HCRTR2: variants seen among roughly 807,000 people sequenced by gnomAD.
HCRTR2 encodes orexin receptor type 2.
A neutral mutation model predicts 49.0 loss-of-function variants in HCRTR2; 22 were observed. That is an observed-to-expected ratio of 0.45 (90% confidence interval 0.32 to 0.64). The LOEUF (loss-of-function observed/expected upper bound fraction) is 0.64. HCRTR2 is among the 30% of genes least tolerant of loss of function. The pLI is 0.04. For synonymous variants in HCRTR2, 236 were observed against 205.3 expected (o/e 1.15, Z -1.28); for missense variants, 491 against 559.4 (o/e 0.88, Z 1.23).
intron 2 of HCRTR2, among the ~76,000 whole-genome samples, chr6:55,250,960 A>C (rs1000185466): frequency 2.0e-5 from 3 of 152,160 alleles, no homozygotes; most frequent in African/African-American, 7.2e-5. Context: ...TAAATGCACC[A>C]AGAGATTGGT....
rs916534326 is a variant in HCRTR2 at position 55,163,261 on chromosome 6, A to C, written c.-377-10950A>C. Among the ~76,000 whole-genome samples the C allele has an allele frequency of 1.1e-4, 15 of 134,602 alleles. 1 individual carries two copies. The South Asian group carries it at 2.2e-3, about 20-fold the overall frequency. The allele number at this position is 134,602 out of a possible 152,430, so 88.3% of individuals were successfully genotyped here. On this transcript the variant is annotated intron_variant, in intron 1 of 7. Transcript: ENST00000615358. ...CAAAAAACAAACAAACAAACAACAA[A>C]AAAAAAAAAACTACCTTAAATTTCT...
chr6:55,123,623 G>C (rs537936429), intron 1 of HCRTR2, among the ~76,000 whole-genome samples: 1 of 152,018 alleles, frequency 6.6e-6, no homozygotes, highest in Non-Finnish European at 1.5e-5. Context: ...TTTGCTATTA[G>C]GGTGATACTC....
chr6:55,152,939 G>T (rs1764682238), intron 1 of HCRTR2, among the ~76,000 whole-genome samples: 1 of 151,846 alleles, frequency 6.6e-6, no homozygotes, highest in African/African-American at 2.4e-5. Flanking sequence ...TGTGTTTTTG[G>T]TGTCATATCC....
intron 4 of HCRTR2, among the ~76,000 whole-genome samples, chr6:55,267,136 A>C (rs778575092): frequency 6.6e-6 from 1 of 152,120 alleles, no homozygotes; most frequent in African/African-American, 2.4e-5. Context: ...GCAACTCTCA[A>C]TTTCCAACTG....
intron 1 of HCRTR2, among the ~76,000 whole-genome samples, chr6:55,161,412 C>G (rs1276593917): frequency 6.6e-6 from 1 of 151,794 alleles, no homozygotes; most frequent in Non-Finnish European, 1.5e-5. Context: ...CCTAACATCA[C>G]AATGAAAAGA....
At chr6:55,205,685 C>G in intron 1 of HCRTR2, among the ~76,000 whole-genome samples, 1 of 151,780 alleles carries the variant, frequency 6.6e-6, no homozygotes, top group South Asian at 2.1e-4. Context: ...TGTTTGGAGG[C>G]CAATTTATAC....
intron 1 of HCRTR2, among the ~76,000 whole-genome samples, chr6:55,162,183 A>AT (rs1303693693): frequency 6.6e-6 from 1 of 152,234 alleles, no homozygotes. Context: ...CTTGTTCAAC[A>AT]TACGAAAATC....
chr6:55,233,091 G>C lies in HCRTR2; in HGVS notation c.224-15548G>C, dbSNP rs181857514. Among the ~76,000 whole-genome samples, 7 of 143,862 alleles carry C rather than the reference G, an allele frequency of 4.9e-5. No individual in the cohort carries two copies. The East Asian group carries it at 1.5e-3, about 30-fold the overall frequency. The allele number at this position is 143,862 out of a possible 152,430, so 94.4% of individuals were successfully genotyped here. ...AATGGATTTTTGAAAAATGAATAAA[G>C]CTGCTTTTTTTTTTTTTGATGGTGT... On this transcript the variant is annotated intron_variant, in intron 1 of 6. Coordinates refer to ENST00000370862, the MANE Select transcript of HCRTR2 (RefSeq NM_001384272.1).
At chr6:55,161,319 G>A (rs1764802419) in intron 1 of HCRTR2, among the ~76,000 whole-genome samples, 1 of 152,146 alleles carries the variant, frequency 6.6e-6, no homozygotes, top group South Asian at 2.1e-4. Flanking sequence ...GAATCTCTGG[G>A]ACACAGCTAA....
intron 1 of HCRTR2, among the ~76,000 whole-genome samples, chr6:55,243,897 G>C (rs1766381807): frequency 6.6e-6 from 1 of 152,060 alleles, no homozygotes; most frequent in African/African-American, 2.4e-5. Flanking sequence ...GTTAATTTAG[G>C]CTAATTAAAA....
rs374161159 is a variant in HCRTR2 at position 55,174,579 on chromosome 6, G to C, written c.-9G>C. ...TGCAGCATTGAGCGGAACCGGACTTGAGCCCGTGATGTCCGGCACCAAATT... is the reference window on the plus strand; with the variant it reads ...TGCAGCATTGAGCGGAACCGGACTTCAGCCCGTGATGTCCGGCACCAAATT... On this transcript the variant is annotated 5_prime_UTR_variant, in exon 1 of 7. Transcript: ENST00000370862. 1.4e-5 allele frequency: 23 copies of C among 1,611,358 alleles called. No homozygotes were observed. Among genetic ancestry groups the C allele is most frequent in the African/African-American group, 1.2e-4 (9 of 74,802 alleles).
chr6:55,146,525 G>A (rs1335318024), intron 1 of HCRTR2, among the ~76,000 whole-genome samples: 1 of 150,240 alleles, frequency 6.7e-6, no homozygotes, highest in African/African-American at 2.4e-5. Context: ...TGCAGATAAA[G>A]TACCTGACAT....
intron 1 of HCRTR2, among the ~76,000 whole-genome samples, chr6:55,157,165 G>C (rs141329687): frequency 6.6e-6 from 1 of 152,050 alleles, no homozygotes; most frequent in East Asian, 1.9e-4. Flanking sequence ...TTAATAAATG[G>C]GTTCTACAAA....
chr6:55,126,804 C>A (rs1157065321), intron 1 of HCRTR2, among the ~76,000 whole-genome samples: 1 of 152,124 alleles, frequency 6.6e-6, no homozygotes, highest in Non-Finnish European at 1.5e-5. Context: ...CAGTTTGCAG[C>A]CTTGCTGAGC....
At chr6:55,135,848 A>G (rs542232637) in intron 1 of HCRTR2, among the ~76,000 whole-genome samples, 1 of 152,272 alleles carries the variant, frequency 6.6e-6, no homozygotes, top group African/African-American at 2.4e-5. Context: ...AGGGTCTCTA[A>G]GGACCGCAGT....
chr6:55,219,976 C>A (rs1022128940), intron 1 of HCRTR2, among the ~76,000 whole-genome samples: 1 of 152,080 alleles, frequency 6.6e-6, no homozygotes, highest in East Asian at 1.9e-4. Context: ...AAATACACAA[C>A]CTACCAAGAC....
At chr6:55,201,189 A>G (rs1164496525) in intron 1 of HCRTR2, among the ~76,000 whole-genome samples, 1 of 152,108 alleles carries the variant, frequency 6.6e-6, no homozygotes, top group East Asian at 1.9e-4. Context: ...GGCAGGGAAA[A>G]TATATCAGAT....
intron 1 of HCRTR2, among the ~76,000 whole-genome samples, chr6:55,130,522 A>C (rs1764341115): frequency 6.6e-6 from 1 of 151,738 alleles, no homozygotes; most frequent in Non-Finnish European, 1.5e-5. Flanking sequence ...GTCTTCATCC[A>C]CAATTCTCTT....
At chr6:55,168,235 T>A (rs552270564) in intron 1 of HCRTR2, among the ~76,000 whole-genome samples, 1 of 152,188 alleles carries the variant, frequency 6.6e-6, no homozygotes, top group Non-Finnish European at 1.5e-5. Flanking sequence ...GGGGGAGATG[T>A]CATCCTGAAG....
Sources: allele counts gnomAD v4.1 joint callset (sites outside exome capture counted in the v4.1 genomes callset), GRCh38; gene constraint gnomAD v4.1.1; transcripts MANE v1.5; gene names NCBI Gene and HGNC (gene_info 2026-07-23, HGNC 2026-07-21).